PPP2R5C: variants seen among roughly 807,000 people sequenced by gnomAD.
PPP2R5C encodes protein phosphatase 2 regulatory subunit B'gamma.
In PPP2R5C, 7 loss-of-function variants were observed where a neutral mutation model predicts 68.9. The observed-to-expected ratio is 0.10, with a 90% confidence interval of 0.06 to 0.19. PPP2R5C has a LOEUF of 0.19. PPP2R5C is among the 10% of genes least tolerant of loss of function. PPP2R5C has a pLI of 1.00. For missense variants in PPP2R5C, 348 were observed against 641.3 expected (o/e 0.54, Z 4.94); for synonymous variants, 210 against 222.2 (o/e 0.95, Z 0.49).
intron 2 of PPP2R5C, 130 bp downstream of exon 2, chr14:101,763,100 T>G: frequency 1.4e-6 from 1 of 702,214 alleles, no homozygotes; most frequent in Non-Finnish European, 2.4e-6. Flanking sequence ...TTGTGGTGTC[T>G]TTTATAACCC....
chr14:101,890,684 G>GT (rs1466102687), intron 6 of PPP2R5C, among the ~76,000 whole-genome samples: 4 of 145,854 alleles, frequency 2.7e-5, no homozygotes, highest in Admixed American at 2.7e-4. Context: ...AATTACTTCA[G>GT]TTTTTTATAT....
chr14:101,895,267 CA>C (rs1165632057), intron 8 of PPP2R5C, among the ~76,000 whole-genome samples: 1 of 152,082 alleles, frequency 6.6e-6, no homozygotes, highest in African/African-American at 2.4e-5. Context: ...TTAAAGAGTA[CA>C]ATTCAAAAAT....
rs575210041 is a variant in PPP2R5C, at chr14:101,924,124, T to A, written c.1444-1017T>A. On this transcript the variant is annotated intron_variant, in intron 13 of 13. Transcript: ENST00000334743. ...GGGTGATTTAGATGGTTTATTGTTT[T>A]GTTTCAGAATATTGGTATTAACACA... is the stretch of plus-strand genomic sequence containing the variant. Among the ~76,000 whole-genome samples, 3 of 152,346 alleles carry A rather than the reference T, an allele frequency of 2.0e-5. No homozygotes were observed. The South Asian group carries it at 6.2e-4, about 32-fold the overall frequency.
At chr14:101,818,208 T>C (rs2039835697) in intron 1 of PPP2R5C, 1 of 152,240 alleles carries the variant, frequency 6.6e-6, no homozygotes, top group South Asian at 2.1e-4. Flanking sequence ...TATTCAGTCT[T>C]TCTGTTCCCG....
At chr14:101,778,440 T>A (rs1158460972) in intron 2 of PPP2R5C, among the ~76,000 whole-genome samples, 1 of 152,250 alleles carries the variant, frequency 6.6e-6, no homozygotes, top group Non-Finnish European at 1.5e-5. Context: ...TCTTTTTAGT[T>A]GCTTGCACCC....
At chr14:101,794,892 A>G (rs2038535775) in intron 3 of PPP2R5C, among the ~76,000 whole-genome samples, 1 of 152,202 alleles carries the variant, frequency 6.6e-6, no homozygotes, top group African/African-American at 2.4e-5. Context: ...TCTTTTGAAT[A>G]TTCAGGTATT....
chr14:101,875,585 T>C (rs2043712004), intron 2 of PPP2R5C, among the ~76,000 whole-genome samples: 1 of 152,188 alleles, frequency 6.6e-6, no homozygotes, highest in Non-Finnish European at 1.5e-5. Context: ...GGCACAGTGG[T>C]AGGTGCTGGG....
intron 1 of PPP2R5C, among the ~76,000 whole-genome samples, chr14:101,845,206 C>T (rs1393392316): frequency 1.3e-5 from 2 of 152,086 alleles, no homozygotes; most frequent in African/African-American, 2.4e-5. Context: ...TGCCTGCAGC[C>T]GGAGTGAAGG....
At chr14:101,889,196 A>ATT (rs998963499) in intron 5 of PPP2R5C, among the ~76,000 whole-genome samples, 27 of 152,282 alleles carry the variant, frequency 1.8e-4, no homozygotes, top group African/African-American at 6.5e-4. Context: ...TCAGAGTTGA[A>ATT]TTTTTTAATC....
rs940348339 is a variant in PPP2R5C, at chr14:101,899,320, G to T, written c.853-2399G>T. On this transcript the variant is annotated intron_variant, in intron 8 of 13. Transcript: ENST00000334743. The surrounding 1 kb of genome is among the most constrained non-coding windows in gnomAD (Gnocchi z 4.2). ...CCAGGACAGGAAGGGGGCTCCCCAAGACTCAAGGCTGGGGCCACTGGCTCG... is the reference window on the plus strand; with the variant it reads ...CCAGGACAGGAAGGGGGCTCCCCAATACTCAAGGCTGGGGCCACTGGCTCG... Among the ~76,000 whole-genome samples the T allele has an allele frequency of 2.6e-5, 4 of 152,214 alleles. No individual in the cohort carries two copies. The highest frequency in any genetic ancestry group is 5.9e-5 in the Non-Finnish European group (4 of 68,036).
At chr14:101,762,858 T>C in intron 1 of PPP2R5C, 47 bp from the exon 2 acceptor site, 1 of 1,484,096 alleles carries the variant, frequency 6.7e-7, no homozygotes, top group Non-Finnish European at 9.2e-7. Context: ...GATGTTTACC[T>C]GTCTAAAAAG....
In PPP2R5C at chr14:101,865,767, G is replaced by A. The variant is rs141888878; in HGVS notation, c.294+8882G>A. Among the ~76,000 whole-genome samples the A allele has an allele frequency of 1.2e-4, 18 of 152,264 alleles. No homozygotes were observed. In the East Asian group the frequency reaches 1.4e-3, roughly 11 times the overall value. On this transcript the variant is annotated intron_variant, in intron 2 of 13. Transcript: ENST00000334743. ...CCGTGACAAAGTTGTCAGTGTCCTCGGAAGTGGCCAGAAAGAGACAAGCCT... is the reference window on the plus strand; with the variant it reads ...CCGTGACAAAGTTGTCAGTGTCCTCAGAAGTGGCCAGAAAGAGACAAGCCT...
In PPP2R5C at chr14:101,899,930, T is replaced by G. The variant is rs948083234; in HGVS notation, c.853-1789T>G. 6.6e-6 allele frequency among the ~76,000 whole-genome samples: 1 copy of G among 152,164 alleles called. No homozygotes were observed. Among genetic ancestry groups the G allele is most frequent in the Non-Finnish European group, 1.5e-5 (1 of 68,012 alleles). On this transcript the variant is annotated intron_variant, in intron 8 of 13. Transcript: ENST00000334743. This position sits in a 1 kb window ranked among gnomAD's most constrained non-coding sequence, Gnocchi z 4.2. The stretch of plus-strand genomic sequence containing the variant: ...TTGGGGTTTTTGTTTGTTTGTTAGA[T>G]TCTTGGAGTACAGTGGCGCAGTCAT...
chr14:101,920,343 A>G (rs376408088), intron 13 of PPP2R5C, among the ~76,000 whole-genome samples: 1 of 152,186 alleles, frequency 6.6e-6, no homozygotes, highest in East Asian at 1.9e-4. Context: ...CAGTGACAGG[A>G]AGGAACCAGT....
At chr14:101,919,980 A>AAAAAAAAAAC (rs1555403921) in intron 13 of PPP2R5C, among the ~76,000 whole-genome samples, 39 of 114,180 alleles carry the variant, frequency 3.4e-4, no homozygotes, top group African/African-American at 1.3e-3. Flanking sequence ...AAAAAAAAAA[A>AAAAAAAAAAC]AAAAAAAAAA....
At chr14:101,760,905 A>T (rs1173096537), upstream of PPP2R5C, among the ~76,000 whole-genome samples, 274 of 69,958 alleles carry the variant, frequency 3.9e-3, 2 homozygotes, top group Middle Eastern at 7.6e-3. Flanking sequence ...GGTCGAGGGG[A>T]AGGGCTGGCC....
intron 2 of PPP2R5C, among the ~76,000 whole-genome samples, chr14:101,780,472 G>A (rs1191083500): frequency 6.6e-6 from 1 of 152,150 alleles, no homozygotes; most frequent in African/African-American, 2.4e-5. Flanking sequence ...CTTAGTTGTC[G>A]CCGCTTGGGG....
At chr14:101,785,538 T>C (rs1351407785) in intron 2 of PPP2R5C, among the ~76,000 whole-genome samples, 2 of 152,190 alleles carry the variant, frequency 1.3e-5, no homozygotes, top group Non-Finnish European at 2.9e-5. Flanking sequence ...CTGCTTTCAT[T>C]GTCCCATTGC....
upstream of PPP2R5C, among the ~76,000 whole-genome samples, chr14:101,809,552 C>CTTTTTTT (rs5811049): frequency 2.2e-5 from 2 of 92,896 alleles, no homozygotes; most frequent in Non-Finnish European, 4.1e-5. Context: ...TATACACACA[C>CTTTTTTT]TTTTTTTTTT....
Sources: gnomAD v4.1 joint callset for allele counts (sites outside exome capture counted in the v4.1 genomes callset) on GRCh38, gnomAD v4.1.1 for gene constraint, Gnocchi (gnomAD v3.1) non-coding constraint, MANE v1.5 for transcripts, NCBI Gene and HGNC (gene_info 2026-07-23, HGNC 2026-07-21) for gene names.